The following FLT1 variants were observed in gnomAD, a reference collection of about 807,000 sequenced individuals.
FLT1 encodes the protein fms related receptor tyrosine kinase 1.
A neutral mutation model predicts 156.3 loss-of-function variants in FLT1; 49 were observed. The observed-to-expected ratio is 0.31, with a 90% CI of 0.25 to 0.40. FLT1 has a LOEUF of 0.40. Ranked by LOEUF, FLT1 falls within the 10% of genes least tolerant of loss-of-function variation. The pLI, the probability that FLT1 is intolerant of heterozygous loss-of-function variation, is 1.00. For synonymous variants in FLT1, 594 were observed against 583.8 expected (o/e 1.02, Z -0.25); for missense variants, 1,322 against 1,637.2 (o/e 0.81, Z 3.32).
At chr13:28,393,826 A>G (rs1874881586) in intron 12 of FLT1, among the ~76,000 whole-genome samples, 1 of 152,280 alleles carries the variant, frequency 6.6e-6, no homozygotes, top group African/African-American at 2.4e-5. Flanking sequence ...TGCTCAAGCA[A>G]TCTTCCCATC....
intron 16 of FLT1, among the ~76,000 whole-genome samples, chr13:28,341,205 A>G (rs1046026548): frequency 2.6e-5 from 4 of 152,200 alleles, no homozygotes; most frequent in African/African-American, 9.6e-5. Context: ...GTTTGTCTCA[A>G]TAAGGCAGGT....
intron 1 of FLT1, among the ~76,000 whole-genome samples, chr13:28,484,728 A>C (rs1357946982): frequency 6.6e-6 from 1 of 152,082 alleles, no homozygotes; most frequent in African/African-American, 2.4e-5. Context: ...TCCTCTTTTC[A>C]TTTAGGCTTG....
chr13:28,409,801 G>C (rs917226588), intron 10 of FLT1, among the ~76,000 whole-genome samples: 2 of 151,342 alleles, frequency 1.3e-5, no homozygotes, highest in African/African-American at 4.9e-5. Context: ...GACATAGTAA[G>C]AAAAGACATC....
chr13:28,368,919 G>A (rs943551769), intron 14 of FLT1, among the ~76,000 whole-genome samples: 39 of 151,870 alleles, frequency 2.6e-4, no homozygotes, highest in African/African-American at 8.2e-4. Flanking sequence ...TGGCCAGGCT[G>A]GTCTCCAACT....
intron 13 of FLT1, chr13:28,389,516 C>G: frequency 1.4e-6 from 2 of 1,417,260 alleles, no homozygotes; most frequent in South Asian, 1.7e-5. Context: ...TGCACCAAGT[C>G]GGCCCCCCGG....
intron 20 of FLT1, among the ~76,000 whole-genome samples, chr13:28,326,518 CTCT>C (rs1289264276): frequency 3.1e-5 from 4 of 130,952 alleles, no homozygotes; most frequent in East Asian, 2.4e-4. Context: ...ATCTCTCTCT[CTCT>C]TTTTTTTTTT....
chr13:28,416,950 G>C (rs1290457315), intron 10 of FLT1, among the ~76,000 whole-genome samples: 6 of 152,192 alleles, frequency 3.9e-5, no homozygotes, highest in East Asian at 1.9e-4. Flanking sequence ...TTTTTTAAAA[G>C]GGTGAGTGAA....
At chr13:28,363,862 T>C (rs149366740) in intron 14 of FLT1, among the ~76,000 whole-genome samples, 2,283 of 152,248 alleles carry the variant, frequency 0.015, 60 homozygotes, top group African/African-American at 0.052. Context: ...CTGGCCTTGG[T>C]CTCCCAAAGT....
At chr13:28,330,077 ACC>A (rs1871863761) in intron 18 of FLT1, among the ~76,000 whole-genome samples, 1 of 152,134 alleles carries the variant, frequency 6.6e-6, no homozygotes, top group Non-Finnish European at 1.5e-5. Context: ...GCAAGAACCC[ACC>A]AGGCAGGGAG....
chr13:28,468,619 G>A (rs1879980397), intron 1 of FLT1, among the ~76,000 whole-genome samples: 1 of 152,164 alleles, frequency 6.6e-6, no homozygotes, highest in Non-Finnish European at 1.5e-5. Flanking sequence ...AGGTGTTTGG[G>A]TCGTGGGGGT....
chr13:28,391,491 A>C (rs558347861), intron 12 of FLT1, among the ~76,000 whole-genome samples: 1 of 152,258 alleles, frequency 6.6e-6, no homozygotes, highest in Non-Finnish European at 1.5e-5. Context: ...CCCCCTCCCC[A>C]CTTCGAGTTG....
intron 20 of FLT1, among the ~76,000 whole-genome samples, chr13:28,323,899 A>G (rs1593680676): frequency 6.6e-6 from 1 of 152,066 alleles, no homozygotes; most frequent in African/African-American, 2.4e-5. Context: ...TTTCTCTTCC[A>G]TTTAAACAAA....
intron 25 of FLT1, 130 bp downstream of exon 25, chr13:28,317,368 T>C (rs1593674200): frequency 1.4e-6 from 1 of 739,976 alleles, no homozygotes. Flanking sequence ...GGGGAGCATC[T>C]CTAAAGGAAA....
Position 28,434,044 on chromosome 13 carries a change from G to A in FLT1, c.676+14C>T, listed in dbSNP as rs542372943. 8 of 1,614,090 alleles carry A rather than the reference G, an allele frequency of 5.0e-6. No homozygotes were observed. In the South Asian group the frequency reaches 8.8e-5, roughly 18 times the overall value. ...CACTTCGGCTTATGTTCATGCCTTT[G>A]AAGCATCACTTACTTTGTCGATGTG... On this transcript the variant is annotated intron_variant, in intron 5 of 29. Coordinates refer to ENST00000282397, the MANE Select transcript of FLT1 (RefSeq NM_002019.4).
At chr13:28,448,556 C>A (rs189900064) in intron 3 of FLT1, among the ~76,000 whole-genome samples, 5 of 152,152 alleles carry the variant, frequency 3.3e-5, no homozygotes, top group East Asian at 3.9e-4. Flanking sequence ...ATCCATGAGA[C>A]AAATCTATGG....
chr13:28,401,672 C>G (rs1440406795), intron 11 of FLT1, among the ~76,000 whole-genome samples: 1 of 152,052 alleles, frequency 6.6e-6, no homozygotes, highest in African/African-American at 2.4e-5. Context: ...ATGGAAGAAT[C>G]TAAAATTAAC....
intron 13 of FLT1, chr13:28,385,408 T>C: frequency 1.5e-6 from 1 of 669,194 alleles, no homozygotes; most frequent in South Asian, 3.5e-5. Context: ...CTTGTAATGA[T>C]TTTTATATAA....
chr13:28,457,121 A>G (rs1593814087), intron 3 of FLT1, among the ~76,000 whole-genome samples: 1 of 151,974 alleles, frequency 6.6e-6, no homozygotes, highest in East Asian at 1.9e-4. Flanking sequence ...AAATCTCTGT[A>G]CCTTCCTCTC....
intron 16 of FLT1, among the ~76,000 whole-genome samples, chr13:28,339,845 C>T (rs1248049307): frequency 6.6e-6 from 1 of 152,156 alleles, no homozygotes; most frequent in East Asian, 1.9e-4. Context: ...GAAGGCCTGA[C>T]CTCTTAGTTG....
Sources: allele counts gnomAD v4.1 joint callset (sites outside exome capture counted in the v4.1 genomes callset), GRCh38; gene constraint gnomAD v4.1.1; transcripts MANE v1.5; gene names NCBI Gene and HGNC (gene_info 2026-07-23, HGNC 2026-07-21).